The following GALNT7 variants were observed in gnomAD, a reference collection of about 807,000 sequenced individuals.
The protein encoded by GALNT7 is N-acetylgalactosaminyltransferase 7.
In GALNT7, 60 loss-of-function variants were observed where a neutral mutation model predicts 82.1. The observed-to-expected ratio is 0.73, with a 90% CI of 0.59 to 0.91. GALNT7 has a LOEUF of 0.91. Among genes scored for constraint, GALNT7 ranks in the 40% least tolerant of loss-of-function variants. The pLI, the probability that GALNT7 is intolerant of heterozygous loss-of-function variation, is 0.00. For missense variants in GALNT7, 660 were observed against 804.2 expected, an observed-to-expected ratio of 0.82 and a Z score of 2.17; for synonymous variants, 243 against 275.1, an observed-to-expected ratio of 0.88 and a Z score of 1.15.
chr4:173,196,127 A>AT (rs35060535), intron 1 of GALNT7, among the ~76,000 whole-genome samples: 36,019 of 145,934 alleles, frequency 0.25, 4,954 homozygotes, highest in Admixed American at 0.34. Context: ...TTAAGTTGGA[A>AT]TTTTTTTTTT....
chr4:173,267,308 C>T (rs1735538686), intron 2 of GALNT7, among the ~76,000 whole-genome samples: 1 of 152,092 alleles, frequency 6.6e-6, no homozygotes, highest in Non-Finnish European at 1.5e-5. Flanking sequence ...ATGCCTGTCA[C>T]TTAGATCACC....
Position 173,304,063 on chromosome 4 carries a change from AG to A in GALNT7, c.1337del (p.Gly446AlafsTer17). The A allele has an allele frequency of 6.2e-7, 1 of 1,613,142 alleles. No individual in the cohort carries two copies. Among genetic ancestry groups the A allele is most frequent in the Non-Finnish European group, 8.5e-7 (1 of 1,179,248 alleles). On this transcript the variant is annotated frameshift_variant, in exon 8 of 12. Coordinates refer to ENST00000265000, the MANE Select transcript of GALNT7 (RefSeq NM_017423.3). LOFTEE classifies it high-confidence loss of function. ...CGTGTTGGACATATCTACCGTCTTGAGGGCTGGCAAGGAAATCCTCCGCCCA... is the reference window on the plus strand; with the variant it reads ...CGTGTTGGACATATCTACCGTCTTGAGGCTGGCAAGGAAATCCTCCGCCCA... ...CSRVGHIYRL[E>X]GWQGNPPPIY...
chr4:173,207,924 CTT>C (rs1733151351), intron 1 of GALNT7, among the ~76,000 whole-genome samples: 2 of 152,072 alleles, frequency 1.3e-5, no homozygotes, highest in South Asian at 4.1e-4. Flanking sequence ...ATTTTTTTAA[CTT>C]ATATTTTTAA....
intron 2 of GALNT7, among the ~76,000 whole-genome samples, chr4:173,262,599 C>T (rs1008789706): frequency 6.6e-6 from 1 of 152,162 alleles, no homozygotes; most frequent in Non-Finnish European, 1.5e-5. Context: ...GTTGAAGTGA[C>T]AGGCTCCCTT....
chr4:173,196,008 A>T (rs1465904041), intron 1 of GALNT7, among the ~76,000 whole-genome samples: 1 of 152,244 alleles, frequency 6.6e-6, no homozygotes, highest in Non-Finnish European at 1.5e-5. Flanking sequence ...GATGTGGAAG[A>T]GATACTTACT....
chr4:173,174,840 A>G (rs192456558), intron 1 of GALNT7, among the ~76,000 whole-genome samples: 2 of 152,348 alleles, frequency 1.3e-5, no homozygotes, highest in Admixed American at 1.3e-4. Flanking sequence ...CACAGTTACT[A>G]GTAAAGAGAG....
Position 173,292,253 on chromosome 4 carries a change from A to C in GALNT7, c.733A>C (p.Ile245Leu). 1 of 1,576,552 alleles carries C rather than the reference A, an allele frequency of 6.3e-7. No individual in the cohort carries two copies. The highest frequency in any genetic ancestry group is 8.6e-7 in the Non-Finnish European group (1 of 1,160,256). ...PRKYLAEIVL[I>L]DDFSNKEHLK... ...GAAATATTTAGCAGAAATTGTGTTAATTGACGATTTCAGTAATAAAGGTAA... is the reference window on the plus strand; with the variant it reads ...GAAATATTTAGCAGAAATTGTGTTACTTGACGATTTCAGTAATAAAGGTAA... The change falls in exon 3 of 12, where the codon ATT becomes CTT. Residue 245 changes from isoleucine to leucine, a missense_variant. Around this residue, in one of 2 missense-constraint regions of GALNT7, gnomAD observed 527 missense variants for 683.5 expected, o/e 0.77. Coordinates refer to ENST00000265000, the MANE Select transcript of GALNT7 (RefSeq NM_017423.3). The surrounding 1 kb of genome is among the most constrained non-coding windows in gnomAD (Gnocchi z 4.8).
At chr4:173,245,782 T>C (rs1432513111) in intron 1 of GALNT7, among the ~76,000 whole-genome samples, 1 of 152,220 alleles carries the variant, frequency 6.6e-6, no homozygotes, top group East Asian at 1.9e-4. Flanking sequence ...ACCTCTCTCT[T>C]ACAGTCATGC....
At chr4:173,178,273 ATTAAT>A (rs1404169408) in intron 1 of GALNT7, among the ~76,000 whole-genome samples, 1 of 152,170 alleles carries the variant, frequency 6.6e-6, no homozygotes, top group Non-Finnish European at 1.5e-5. Flanking sequence ...TTTTTAGTAC[ATTAAT>A]TTGACTGAAG....
intron 2 of GALNT7, among the ~76,000 whole-genome samples, chr4:173,290,411 C>T (rs1212627020): frequency 1.3e-5 from 2 of 152,060 alleles, no homozygotes; most frequent in African/African-American, 4.8e-5. Context: ...ATATACATAC[C>T]AGACATGTCT....
At chr4:173,297,855 A>T in intron 5 of GALNT7, 2 of 1,496,184 alleles carry the variant, frequency 1.3e-6, no homozygotes, top group Non-Finnish European at 1.8e-6. Context: ...CCATTGAACC[A>T]CAGCAAGGTG....
chr4:173,260,796 T>C (rs1181688896), intron 2 of GALNT7, among the ~76,000 whole-genome samples: 1 of 152,210 alleles, frequency 6.6e-6, no homozygotes, highest in African/African-American at 2.4e-5. Flanking sequence ...AAAATACTTC[T>C]AATATTAAAT....
At position 173,323,719 on chromosome 4, in the gene GALNT7, C is replaced by T. The variant is rs766773308; in HGVS notation, c.*2002C>T. The T allele has an allele frequency of 2.6e-5, 4 of 152,562 alleles. No individual in the cohort carries two copies. Among genetic ancestry groups the T allele is most frequent in the Non-Finnish European group, 4.4e-5 (3 of 68,000 alleles). 9.5% of individuals were successfully genotyped at this position (152,562 alleles called of 1,614,324 possible). Reference sequence around the variant, plus strand: ...ACATCAGAAGCTGCTGCCATAATGACTATTTTCTACTGTAGGCTGCTTTGG... The same window carrying T: ...ACATCAGAAGCTGCTGCCATAATGATTATTTTCTACTGTAGGCTGCTTTGG... On this transcript the variant is annotated 3_prime_UTR_variant, in exon 12 of 12. Coordinates refer to ENST00000265000, the MANE Select transcript of GALNT7 (RefSeq NM_017423.3).
At chr4:173,275,687 C>T (rs192468866) in intron 2 of GALNT7, among the ~76,000 whole-genome samples, 2 of 152,290 alleles carry the variant, frequency 1.3e-5, no homozygotes, top group East Asian at 3.9e-4. Context: ...GGTCCACTTT[C>T]CTCCAAACCC....
intron 1 of GALNT7, among the ~76,000 whole-genome samples, chr4:173,171,394 C>G (rs537238984): frequency 5.3e-5 from 8 of 152,336 alleles, no homozygotes; most frequent in African/African-American, 1.7e-4. Context: ...TTTTGGATCC[C>G]TTTAAATAGC....
intron 1 of GALNT7, among the ~76,000 whole-genome samples, chr4:173,200,172 C>T (rs1017005606): frequency 2.0e-5 from 3 of 152,196 alleles, no homozygotes; most frequent in African/African-American, 7.2e-5. Flanking sequence ...ATATATCTAA[C>T]TTCTGTAACA....
At chr4:173,214,939 A>G (rs1579918252) in intron 1 of GALNT7, among the ~76,000 whole-genome samples, 1 of 152,140 alleles carries the variant, frequency 6.6e-6, no homozygotes, top group African/African-American at 2.4e-5. Flanking sequence ...TCAGGAATAC[A>G]CTGACTGCCT....
chr4:173,319,626 G>T (rs1328217551), intron 11 of GALNT7, among the ~76,000 whole-genome samples: 3 of 152,060 alleles, frequency 2.0e-5, no homozygotes, highest in African/African-American at 7.2e-5. Flanking sequence ...ACTACATCAA[G>T]AAGTAATTGA....
intron 1 of GALNT7, among the ~76,000 whole-genome samples, chr4:173,218,972 T>C (rs1166455601): frequency 6.6e-6 from 1 of 151,642 alleles, no homozygotes; most frequent in Non-Finnish European, 1.5e-5. Flanking sequence ...GTTTTCTTTT[T>C]TCTTAAAAAA....
Sources: allele counts gnomAD v4.1 joint callset (sites outside exome capture counted in the v4.1 genomes callset), GRCh38; gene constraint gnomAD v4.1.1; regional missense constraint gnomAD v4.1.1; non-coding constraint Gnocchi (gnomAD v3.1); transcripts MANE v1.5; gene names NCBI Gene and HGNC (gene_info 2026-07-23, HGNC 2026-07-21).